The following AASS variants were observed in gnomAD, a reference collection of about 807,000 sequenced individuals.
AASS encodes the protein aminoadipate-semialdehyde synthase.
AASS carries 86 observed loss-of-function variants against 105.4 expected under a neutral mutation model. That is an observed-to-expected ratio of 0.82 (90% CI 0.69 to 0.98). The LOEUF is 0.98. AASS is among the 50% of genes least tolerant of loss of function. The pLI is 0.00. For synonymous variants in AASS, 381 were observed against 394.8 expected, an observed-to-expected ratio of 0.96 and a Z score of 0.41; for missense variants, 1,048 against 1,143.2, an observed-to-expected ratio of 0.92 and a Z score of 1.20.
intron 19 of AASS, among the ~76,000 whole-genome samples, chr7:122,082,580 T>C (rs1308939362): frequency 6.6e-6 from 1 of 152,218 alleles, no homozygotes; most frequent in Non-Finnish European, 1.5e-5. Context: ...ATTGTATCTT[T>C]ATATTATGTT....
intron 9 of AASS, among the ~76,000 whole-genome samples, chr7:122,114,299 G>A (rs1226418601): frequency 1.3e-5 from 2 of 152,100 alleles, no homozygotes; most frequent in Non-Finnish European, 2.9e-5. Flanking sequence ...TGGAATTCTT[G>A]TTCTCCTCAT....
At chr7:122,104,482 T>A (rs1219421073) in intron 11 of AASS, among the ~76,000 whole-genome samples, 1 of 151,748 alleles carries the variant, frequency 6.6e-6, no homozygotes, top group Non-Finnish European at 1.5e-5. Context: ...TGTAATCCCA[T>A]CTACTGGGGA....
At chr7:122,078,722 A>C in intron 22 of AASS, 140 bp downstream of exon 22, 1 of 772,242 alleles carries the variant, frequency 1.3e-6, no homozygotes, top group Non-Finnish European at 2.2e-6. Context: ...CCCTCTGGAA[A>C]AATAGTCCAA....
intron 1 of AASS, among the ~76,000 whole-genome samples, chr7:122,141,676 A>G (rs899068750): frequency 6.6e-6 from 1 of 151,266 alleles, no homozygotes; most frequent in Admixed American, 6.6e-5. Context: ...AAAAAAAAAA[A>G]AAAAAAAAAC....
chr7:122,125,323 A>G (rs999907328), intron 4 of AASS, among the ~76,000 whole-genome samples: 3 of 152,206 alleles, frequency 2.0e-5, no homozygotes, highest in Non-Finnish European at 2.9e-5. Context: ...AATAAGCAGA[A>G]TGACATAAGC....
At chr7:122,115,274 C>G in intron 8 of AASS, 52 bp from the exon 9 acceptor site, 2 of 1,592,128 alleles carry the variant, frequency 1.3e-6, no homozygotes, top group Non-Finnish European at 1.7e-6. Flanking sequence ...TATTTTAATA[C>G]AGTATACTGA....
chr7:122,133,652 C>CA lies in AASS; in HGVS notation c.74dup (p.Leu26ValfsTer44). 6.2e-7 allele frequency: 1 copy of CA among 1,614,210 alleles called. No homozygotes were observed. The highest frequency in any genetic ancestry group is 8.5e-7 in the Non-Finnish European group (1 of 1,180,036). ...TCACATCCTCCCTCCGGACGGCCAA[C>CA]ACAGCTTTGTGGTGAAGACCCTTGG... On this transcript the variant is annotated frameshift_variant, in exon 2 of 24. Coordinates refer to ENST00000417368, the MANE Select transcript of AASS (RefSeq NM_005763.4). LOFTEE classifies it high-confidence loss of function.
At chr7:122,095,432 T>C (rs1562916145) in intron 15 of AASS, among the ~76,000 whole-genome samples, 1 of 152,160 alleles carries the variant, frequency 6.6e-6, no homozygotes, top group African/African-American at 2.4e-5. Flanking sequence ...GTTAATTACA[T>C]GATAATATTT....
In AASS at chr7:122,073,879, GT is replaced by G; in HGVS notation, c.*2609del. Among the ~76,000 whole-genome samples the G allele has an allele frequency of 6.6e-6, 1 of 152,016 alleles. No homozygotes were observed. The highest frequency in any genetic ancestry group is 6.6e-5 in the Admixed American group (1 of 15,254). ...ATTCTTCACTTGATATGTTTTCAAG[GT>G]TTTTCCATGTTGTGGTGCATATCAG... On this transcript the variant is annotated 3_prime_UTR_variant, in exon 24 of 24. Transcript: ENST00000417368.
At chr7:122,089,494 A>G (rs1455708895) in intron 18 of AASS, among the ~76,000 whole-genome samples, 2 of 152,198 alleles carry the variant, frequency 1.3e-5, no homozygotes, top group Non-Finnish European at 2.9e-5. Flanking sequence ...AGGATGAAAG[A>G]GGAGAACTTC....
intron 19 of AASS, among the ~76,000 whole-genome samples, chr7:122,085,020 A>C (rs370926352): frequency 6.6e-6 from 1 of 152,156 alleles, no homozygotes; most frequent in Non-Finnish European, 1.5e-5. Flanking sequence ...ATGTTTGCAG[A>C]TAGAATTAAT....
At chr7:122,094,618 T>A (rs575355713) in intron 15 of AASS, among the ~76,000 whole-genome samples, 1 of 152,316 alleles carries the variant, frequency 6.6e-6, no homozygotes, top group Non-Finnish European at 1.5e-5. Flanking sequence ...ATGGATATAC[T>A]CATTTATATA....
Position 122,086,140 on chromosome 7 carries a change from C to A in AASS, c.2056G>T (p.Val686Phe), listed in dbSNP as rs117830956. 2 of 1,613,406 alleles carry A rather than the reference C, an allele frequency of 1.2e-6. No homozygotes were observed. Among genetic ancestry groups the A allele is most frequent in the South Asian group, 2.2e-5 (2 of 91,050 alleles). Residue 686 changes from valine to phenylalanine, a missense_variant, in exon 19 of 24, where the codon GTT becomes TTT. Coordinates refer to ENST00000417368, the MANE Select transcript of AASS (RefSeq NM_005763.4). ...CCTGGAAAAAAATCCATGGACGTAA[C>A]GGCATCAAGAAAGGAGATGCCTCCT... Reference protein sequence around the residue: ...VAGGISFLDAVTSMDFFPGLN... With the variant: ...VAGGISFLDAFTSMDFFPGLN...
At chr7:122,135,271 T>TAA (rs35382381) in intron 1 of AASS, among the ~76,000 whole-genome samples, 30,194 of 145,562 alleles carry the variant, frequency 0.21, 3,491 homozygotes, top group African/African-American at 0.3. Context: ...CTTAAAGTAT[T>TAA]AAAAAAAAAA....
chr7:122,118,590 A>G lies in AASS; in HGVS notation c.513T>C (p.Leu171=). 2 of 1,614,098 alleles carry G rather than the reference A, an allele frequency of 1.2e-6. No homozygotes were observed. Among genetic ancestry groups the G allele is most frequent in the Non-Finnish European group, 1.7e-6 (2 of 1,179,976 alleles). ...TAAAAGGTGTGTGATGTCCCAAAGC[A>G]AGGAGCCTTAAACCCATTCCATGTA... ...NILHGMGLRL[L]ALGHHTPFMH... The change falls in exon 5 of 24, where the codon CTT becomes CTC. Residue 171 remains leucine (L), a synonymous_variant. Coordinates refer to ENST00000417368, the MANE Select transcript of AASS (RefSeq NM_005763.4).
intron 19 of AASS, chr7:122,082,728 T>A (rs1793421069): frequency 1.1e-6 from 1 of 883,362 alleles, no homozygotes; most frequent in Non-Finnish European, 1.6e-6. Context: ...AGTATTATAT[T>A]AATAGGTGCT....
chr7:122,100,985 C>T (rs1197431306), intron 13 of AASS, among the ~76,000 whole-genome samples: 3 of 151,878 alleles, frequency 2.0e-5, no homozygotes, highest in African/African-American at 7.2e-5. Flanking sequence ...AAATCCTCAA[C>T]TAAAACCCAA....
intron 20 of AASS, among the ~76,000 whole-genome samples, chr7:122,080,925 G>T (rs921711629): frequency 4.6e-5 from 7 of 152,186 alleles, no homozygotes; most frequent in African/African-American, 1.7e-4. Flanking sequence ...AGCTGGTAAT[G>T]AGTTAATTCT....
chr7:122,108,176 A>C (rs1023480668), intron 11 of AASS, among the ~76,000 whole-genome samples: 4 of 152,094 alleles, frequency 2.6e-5, no homozygotes, highest in Non-Finnish European at 5.9e-5. Context: ...TTGAATCAGT[A>C]ATAAAAAGTC....
Sources: gnomAD v4.1 joint callset for allele counts (sites outside exome capture counted in the v4.1 genomes callset) on GRCh38, gnomAD v4.1.1 for gene constraint, MANE v1.5 for transcripts, NCBI Gene and HGNC (gene_info 2026-07-23, HGNC 2026-07-21) for gene names.